ETV6: variants seen among roughly 807,000 people sequenced by gnomAD.
The protein encoded by ETV6 is transcription factor ETV6.
A neutral mutation model predicts 51.1 loss-of-function variants in ETV6; 16 were observed. The ratio of observed to expected loss-of-function variants is 0.31; its 90% CI spans 0.21 to 0.48. ETV6 has a LOEUF of 0.48. Among genes scored for constraint, ETV6 ranks in the 20% least tolerant of loss-of-function variants. The pLI is 0.99. For missense variants in ETV6, 458 were observed against 594.8 expected (o/e 0.77, Z 2.39); for synonymous variants, 240 against 224.1 (o/e 1.07, Z -0.64).
chr12:11,824,904 G>T (rs1946130826), intron 2 of ETV6, among the ~76,000 whole-genome samples: 1 of 152,200 alleles, frequency 6.6e-6, no homozygotes, highest in Non-Finnish European at 1.5e-5. Flanking sequence ...CAATAGAAGA[G>T]AGGGTTTGCT....
chr12:11,863,176 TG>T (rs1186136706), intron 4 of ETV6, among the ~76,000 whole-genome samples: 3 of 152,224 alleles, frequency 2.0e-5, no homozygotes, highest in African/African-American at 7.2e-5. Flanking sequence ...GGCAGTTTTT[TG>T]TCTGTTTGTT....
At chr12:11,827,063 G>T (rs1946164498) in intron 2 of ETV6, among the ~76,000 whole-genome samples, 1 of 128,158 alleles carries the variant, frequency 7.8e-6, no homozygotes, top group Non-Finnish European at 1.6e-5. Context: ...ATAGAGAGAA[G>T]TCTGTCTCAC....
At chr12:11,675,168 G>A (rs1193148682) in intron 1 of ETV6, among the ~76,000 whole-genome samples, 1 of 152,148 alleles carries the variant, frequency 6.6e-6, no homozygotes, top group African/African-American at 2.4e-5. Flanking sequence ...TGTTTTTTTA[G>A]ATGTTCTTCT....
chr12:11,874,560 ATGTGCGTGTG>A (rs1946940282), intron 5 of ETV6, among the ~76,000 whole-genome samples: 1 of 1,252 alleles, frequency 8.0e-4, no homozygotes, highest in African/African-American at 8.7e-4. Flanking sequence ...ATATATGTGT[ATGTGCGTGTG>A]TACACATATA....
intron 2 of ETV6, among the ~76,000 whole-genome samples, chr12:11,837,610 G>C (rs1028763772): frequency 6.6e-6 from 1 of 152,222 alleles, no homozygotes; most frequent in Non-Finnish European, 1.5e-5. Flanking sequence ...GCCTGGTTTA[G>C]GATGAAAGGT....
chr12:11,652,570 G>T (rs147297723), intron 1 of ETV6, among the ~76,000 whole-genome samples: 1 of 152,170 alleles, frequency 6.6e-6, no homozygotes, highest in Non-Finnish European at 1.5e-5. Flanking sequence ...GACACAAAAG[G>T]CTCTCACTGT....
At chr12:11,735,978 C>T (rs1156938728) in intron 1 of ETV6, among the ~76,000 whole-genome samples, 1 of 152,172 alleles carries the variant, frequency 6.6e-6, no homozygotes, top group Admixed American at 6.5e-5. Context: ...ATTTAAATGT[C>T]GCCCTTATTT....
At chr12:11,842,118 G>A (rs1946400582) in intron 3 of ETV6, among the ~76,000 whole-genome samples, 1 of 151,984 alleles carries the variant, frequency 6.6e-6, no homozygotes, top group Non-Finnish European at 1.5e-5. Flanking sequence ...GGAGATGTAG[G>A]CTGGTGTACA....
At chr12:11,793,653 C>T (rs2136391312) in intron 2 of ETV6, among the ~76,000 whole-genome samples, 1 of 152,290 alleles carries the variant, frequency 6.6e-6, no homozygotes, top group South Asian at 2.1e-4. Flanking sequence ...GGGATGCCTC[C>T]CTTCTCTTAG....
At chr12:11,847,840 T>C (rs1003796688) in intron 3 of ETV6, among the ~76,000 whole-genome samples, 1 of 152,098 alleles carries the variant, frequency 6.6e-6, no homozygotes, top group Admixed American at 6.6e-5. Flanking sequence ...ACAAGGGGCA[T>C]GTACATGTGG....
chr12:11,669,520 C>A (rs1864271612), intron 1 of ETV6, among the ~76,000 whole-genome samples: 1 of 151,962 alleles, frequency 6.6e-6, no homozygotes, highest in South Asian at 2.1e-4. Flanking sequence ...AGGATAATTA[C>A]CAGCGATTCC....
At chr12:11,882,896 A>G (rs1441288758) in intron 5 of ETV6, among the ~76,000 whole-genome samples, 1 of 152,246 alleles carries the variant, frequency 6.6e-6, no homozygotes, top group Non-Finnish European at 1.5e-5. Flanking sequence ...TGCCCAAAGT[A>G]AAAAAGAAAG....
At chr12:11,808,805 G>A (rs1945868614) in intron 2 of ETV6, among the ~76,000 whole-genome samples, 1 of 152,142 alleles carries the variant, frequency 6.6e-6, no homozygotes, top group African/African-American at 2.4e-5. Flanking sequence ...GGAGTGCTTG[G>A]AAGAGAAAGG....
At chr12:11,736,102 A>G (rs897482481) in intron 1 of ETV6, among the ~76,000 whole-genome samples, 3 of 152,144 alleles carry the variant, frequency 2.0e-5, no homozygotes, top group African/African-American at 7.2e-5. Flanking sequence ...CCTCTAGCCT[A>G]TAAGCTCCTT....
chr12:11,853,316 C>A, intron 3 of ETV6, 111 bp from the exon 4 acceptor site: 1 of 1,275,296 alleles, frequency 7.8e-7, no homozygotes. Flanking sequence ...GTGGCAGGTG[C>A]GCTCCAATTG....
At chr12:11,708,899 G>C (rs1332754676) in intron 1 of ETV6, among the ~76,000 whole-genome samples, 1 of 152,098 alleles carries the variant, frequency 6.6e-6, no homozygotes, top group Non-Finnish European at 1.5e-5. Context: ...GAATTTTGAG[G>C]GACTTAAAAT....
At chr12:11,677,244 G>A (rs554232639) in intron 1 of ETV6, among the ~76,000 whole-genome samples, 23 of 152,304 alleles carry the variant, frequency 1.5e-4, no homozygotes, top group Admixed American at 1.4e-3. Context: ...AGATGGGTCT[G>A]GCTTTGTGAG....
chr12:11,695,810 C>T (rs544595070), intron 1 of ETV6, among the ~76,000 whole-genome samples: 5 of 152,300 alleles, frequency 3.3e-5, no homozygotes, highest in East Asian at 1.9e-4. Flanking sequence ...TCTGACCAGG[C>T]GGTGGGCTCA....
intron 2 of ETV6, among the ~76,000 whole-genome samples, chr12:11,778,234 C>G (rs1291972969): frequency 6.6e-6 from 1 of 152,240 alleles, no homozygotes; most frequent in Admixed American, 6.5e-5. Flanking sequence ...ATGAAGGGCC[C>G]TGTCCAGCAT....
Sources: gnomAD v4.1 joint callset for allele counts (sites outside exome capture counted in the v4.1 genomes callset) on GRCh38, gnomAD v4.1.1 for gene constraint, MANE v1.5 for transcripts, NCBI Gene and HGNC (gene_info 2026-07-23, HGNC 2026-07-21) for gene names.